The following MGLL variants were observed in gnomAD, a reference collection of about 807,000 sequenced individuals.
MGLL encodes the protein monoglyceride lipase.
MGLL carries 7 observed loss-of-function variants against 29.1 expected under a neutral mutation model. The ratio of observed to expected loss-of-function variants is 0.24; its 90% CI spans 0.14 to 0.45. MGLL has a LOEUF of 0.45. Among genes scored for constraint, MGLL ranks in the 20% least tolerant of loss-of-function variants. The pLI, the probability that MGLL is intolerant of heterozygous loss-of-function variation, is 0.99. For missense variants in MGLL, 356 were observed against 413.6 expected, an observed-to-expected ratio of 0.86 and a Z score of 1.21; for synonymous variants, 148 against 168.3, an observed-to-expected ratio of 0.88 and a Z score of 0.93.
intron 6 of MGLL, among the ~76,000 whole-genome samples, chr3:127,708,806 A>G (rs1454175708): frequency 6.6e-6 from 1 of 152,186 alleles, no homozygotes; most frequent in Non-Finnish European, 1.5e-5. Context: ...CCTGCCCCAC[A>G]CTGAGTTTCC....
intron 1 of MGLL, chr3:127,822,039 G>T: frequency 1.5e-6 from 1 of 676,502 alleles, no homozygotes; most frequent in Non-Finnish European, 2.4e-6. Flanking sequence ...TTAAGAAAAT[G>T]CTCACTTTAT....
At position 127,726,424 on chromosome 3, in the gene MGLL, G is replaced by A. The variant is rs1191974717; in HGVS notation, c.263-3858C>T. 2.0e-5 allele frequency among the ~76,000 whole-genome samples: 3 copies of A among 151,852 alleles called. No homozygotes were observed. The East Asian group carries it at 5.8e-4, about 29-fold the overall frequency. Reference sequence around the variant, plus strand: ...ACAAATCTGGGTAAAGGATCTAAAGGTTTTTTATTTTTTTTTATTTTTTAT... The same window carrying A: ...ACAAATCTGGGTAAAGGATCTAAAGATTTTTTATTTTTTTTTATTTTTTAT... On this transcript the variant is annotated intron_variant, in intron 3 of 7. Transcript: ENST00000265052.
intron 2 of MGLL, among the ~76,000 whole-genome samples, chr3:127,793,231 G>A (rs1216720428): frequency 1.3e-5 from 2 of 152,174 alleles, no homozygotes; most frequent in African/African-American, 2.4e-5. Flanking sequence ...GGCCACATTC[G>A]GGTCTCACTC....
intron 3 of MGLL, among the ~76,000 whole-genome samples, chr3:127,754,144 G>A (rs539416016): frequency 1.3e-5 from 2 of 152,282 alleles, no homozygotes; most frequent in South Asian, 4.1e-4. Context: ...CCAGGCCCTG[G>A]CCTCACTCTC....
chr3:127,747,442 A>G (rs2076469183), intron 3 of MGLL, among the ~76,000 whole-genome samples: 1 of 152,200 alleles, frequency 6.6e-6, no homozygotes, highest in South Asian at 2.1e-4. Flanking sequence ...CCCCTGCTGG[A>G]CTGTGTGCTC....
intron 2 of MGLL, among the ~76,000 whole-genome samples, chr3:127,814,686 G>T (rs1280588500): frequency 6.6e-6 from 1 of 152,198 alleles, no homozygotes; most frequent in East Asian, 1.9e-4. Context: ...GCAACTGGAA[G>T]AAATTATCCC....
In MGLL at chr3:127,692,221, C is replaced by T. The variant is rs138910107; in HGVS notation, c.919G>A (p.Ala307Thr). The T allele has an allele frequency of 4.7e-3, 7,632 of 1,613,696 alleles. 43 individuals are homozygous for T. Among genetic ancestry groups the T allele is most frequent in the Non-Finnish European group, 5.4e-3 (6,393 of 1,179,954 alleles). Residue 307 changes from alanine (A) to threonine (T), a missense_variant, in exon 8 of 8, where the codon GCA (alanine) becomes ACA (threonine). Physicochemically the swap from Ala to Thr is moderately conservative, Grantham distance 58. Transcript: ENST00000265052. ...NMWVSQRTAT[A>T]GTASPP ...ATTCAGGGTGGGGACGCAGTTCCTG[C>T]CGTGGCTGTCCTTTGAGAGACCCAC...
chr3:127,775,492 C>T (rs575636418), intron 3 of MGLL, among the ~76,000 whole-genome samples: 5 of 152,036 alleles, frequency 3.3e-5, no homozygotes, highest in Non-Finnish European at 7.4e-5. Flanking sequence ...CTTCTTCTGA[C>T]TGGATAGGAC....
intron 6 of MGLL, among the ~76,000 whole-genome samples, chr3:127,699,206 C>T (rs1225163458): frequency 6.6e-6 from 1 of 152,216 alleles, no homozygotes; most frequent in Non-Finnish European, 1.5e-5. Flanking sequence ...GCTGGGTCTT[C>T]TGAATTTCCA....
rs569274585 is a variant in MGLL, at chr3:127,726,875, C to T, written c.263-4309G>A. Among the ~76,000 whole-genome samples, 18 of 152,356 alleles carry T rather than the reference C, an allele frequency of 1.2e-4. No homozygotes were observed. The South Asian group carries it at 3.7e-3, about 32-fold the overall frequency. The stretch of plus-strand genomic sequence containing the variant: ...ATGCTTAGTGACATTCTCTTCAAAA[C>T]TACAATACTATTTTCCTGCCTAAGT... On this transcript the variant is annotated intron_variant, in intron 3 of 7. Transcript: ENST00000265052.
Position 127,689,555 on chromosome 3 carries a change from TGTG to T in MGLL, c.*2640_*2642del, listed in dbSNP as rs2075208112. 1 of 152,444 alleles carries T rather than the reference TGTG, an allele frequency of 6.6e-6. No homozygotes were observed. The highest frequency in any genetic ancestry group is 2.4e-5 in the African/African-American group (1 of 41,458). The allele number at this position is 152,444 out of a possible 1,614,324, so 9.4% of individuals were successfully genotyped here. A position where few individuals can be genotyped will look rare whatever the true frequency, so the allele number is the denominator to read the frequency against. On this transcript the variant is annotated 3_prime_UTR_variant, in exon 8 of 8. Coordinates refer to ENST00000265052, the MANE Select transcript of MGLL (RefSeq NM_007283.7). ...TGTTGACGGTGGTGCTTGGGCCTTGTGTGCCAGGCCTCTCTGGGTCCCCTCCCT... is the reference window on the plus strand; with the variant it reads ...TGTTGACGGTGGTGCTTGGGCCTTGTCCAGGCCTCTCTGGGTCCCCTCCCT...
chr3:127,717,898 T>G (rs892150423), intron 5 of MGLL, among the ~76,000 whole-genome samples: 2 of 152,302 alleles, frequency 1.3e-5, no homozygotes, highest in Admixed American at 6.5e-5. Flanking sequence ...CGAGCCATGG[T>G]GAAAAACCCC....
At chr3:127,821,977 CAT>C in intron 1 of MGLL, 139 bp from the exon 2 acceptor site, 1 of 918,290 alleles carries the variant, frequency 1.1e-6, no homozygotes. Context: ...AGGTTTAAAA[CAT>C]ACATACATTT....
At chr3:127,704,581 G>A (rs2075562239) in intron 6 of MGLL, among the ~76,000 whole-genome samples, 1 of 152,022 alleles carries the variant, frequency 6.6e-6, no homozygotes, top group Non-Finnish European at 1.5e-5. Flanking sequence ...ATGGGCAAAG[G>A]ATATGAATAG....
At chr3:127,720,728 G>T (rs1158338784) in intron 5 of MGLL, among the ~76,000 whole-genome samples, 5 of 152,232 alleles carry the variant, frequency 3.3e-5, no homozygotes, top group African/African-American at 7.2e-5. Flanking sequence ...GTGAAAAACA[G>T]CCCAGGCCTT....
intron 3 of MGLL, among the ~76,000 whole-genome samples, chr3:127,741,028 G>A (rs931810632): frequency 6.6e-6 from 1 of 152,194 alleles, no homozygotes; most frequent in African/African-American, 2.4e-5. Flanking sequence ...CACAGAGCCT[G>A]ACCTGGTAGA....
rs1019713042 is a variant in MGLL at position 127,691,438 on chromosome 3, T to G, written c.*760A>C. The G allele has an allele frequency of 3.3e-5, 5 of 152,162 alleles. No homozygotes were observed. Among genetic ancestry groups the G allele is most frequent in the African/African-American group, 1.2e-4 (5 of 41,408 alleles). 9.4% of individuals were successfully genotyped at this position (152,162 alleles called of 1,614,324 possible). ...GATTCTCTCATAGCATCAGGTAAAA[T>G]TAGTGACTCTAGAGGAAAGGCAGCC... is the stretch of plus-strand genomic sequence containing the variant. On this transcript the variant is annotated 3_prime_UTR_variant, in exon 8 of 8. Transcript: ENST00000265052.
At chr3:127,697,824 T>A (rs1407761814) in intron 6 of MGLL, among the ~76,000 whole-genome samples, 1 of 152,200 alleles carries the variant, frequency 6.6e-6, no homozygotes, top group Non-Finnish European at 1.5e-5. Context: ...GTTGGGGGTA[T>A]GGGTTCCAGC....
chr3:127,707,811 G>T (rs1244793785), intron 6 of MGLL, among the ~76,000 whole-genome samples: 1 of 152,218 alleles, frequency 6.6e-6, no homozygotes, highest in African/African-American at 2.4e-5. Flanking sequence ...CGAGAATGTG[G>T]CTCTATAGGG....
Sources: gnomAD v4.1 joint callset for allele counts (sites outside exome capture counted in the v4.1 genomes callset) on GRCh38, gnomAD v4.1.1 for gene constraint, MANE v1.5 for transcripts, NCBI Gene and HGNC (gene_info 2026-07-23, HGNC 2026-07-21) for gene names.